IQCB1: variants seen among roughly 807,000 people sequenced by gnomAD.
IQCB1 encodes IQ calmodulin-binding motif-containing protein 1.
A neutral mutation model predicts 84.4 loss-of-function variants in IQCB1; 56 were observed. That is an observed-to-expected ratio of 0.66 (90% CI 0.54 to 0.83). The LOEUF is 0.83. Ranked by LOEUF, IQCB1 falls within the 40% of genes least tolerant of loss-of-function variation. The pLI is 0.00. For missense variants in IQCB1, 629 were observed against 682.1 expected (o/e 0.92, Z 0.87); for synonymous variants, 210 against 234.8 (o/e 0.89, Z 0.96).
chr3:121,786,170 C>CGAAAAG (rs1553710812), intron 12 of IQCB1, among the ~76,000 whole-genome samples: 1 of 72,848 alleles, frequency 1.4e-5, no homozygotes, highest in African/African-American at 6.5e-5. Context: ...GATTCTGTCT[C>CGAAAAG]AAAAGAAAAG....
In IQCB1 at chr3:121,770,013, A is replaced by G. The variant is rs1312609467; in HGVS notation, c.*332T>C. 1 of 196,734 alleles carries G rather than the reference A, an allele frequency of 5.1e-6. No homozygotes were observed. The highest frequency in any genetic ancestry group is 2.3e-5 in the African/African-American group (1 of 42,638). The allele number at this position is 196,734 out of a possible 1,614,324, so 12.2% of individuals were successfully genotyped here. On this transcript the variant is annotated 3_prime_UTR_variant, in exon 15 of 15. Coordinates refer to ENST00000310864, the MANE Select transcript of IQCB1 (RefSeq NM_001023570.4). ...GACAAATTTTTCAAATCAATTGTTG[A>G]AAATATTTATTTAGAAAAAAATATT...
In IQCB1 at chr3:121,786,007, G is replaced by GA. The variant is rs11308989; in HGVS notation, c.1278+2276dup. Among the ~76,000 whole-genome samples the GA allele has an allele frequency of 1.4e-3, 193 of 137,190 alleles. 2 individuals carry two copies. Among genetic ancestry groups the GA allele is most frequent in the Middle Eastern group, 3.6e-3 (1 of 274 alleles). The allele number at this position is 137,190 out of a possible 152,430, so 90.0% of individuals were successfully genotyped here. Reference sequence around the variant, plus strand: ...AACACAGTGAGACTTAGTCTCTACTGAAAAAAAAAAAAAATTAGCTGGGCC... The same window carrying GA: ...AACACAGTGAGACTTAGTCTCTACTGAAAAAAAAAAAAAAATTAGCTGGGCC... On this transcript the variant is annotated intron_variant, in intron 12 of 14. Coordinates refer to ENST00000310864, the MANE Select transcript of IQCB1 (RefSeq NM_001023570.4).
chr3:121,827,207 T>C (rs946879729), intron 4 of IQCB1, among the ~76,000 whole-genome samples: 8 of 151,892 alleles, frequency 5.3e-5, no homozygotes, highest in East Asian at 1.9e-4. Context: ...AGAACAAACA[T>C]TGAGTATGCA....
At chr3:121,789,934 TA>T in intron 11 of IQCB1, 138 bp downstream of exon 11, 1 of 729,134 alleles carries the variant, frequency 1.4e-6, no homozygotes, top group Non-Finnish European at 2.4e-6. Context: ...TCAGAAGATC[TA>T]ATAAAGTTTA....
At chr3:121,789,306 C>A (rs994169065) in intron 11 of IQCB1, among the ~76,000 whole-genome samples, 2 of 152,198 alleles carry the variant, frequency 1.3e-5, no homozygotes, top group South Asian at 2.1e-4. Flanking sequence ...CATCTCTAGC[C>A]ACTGGCTACC....
chr3:121,787,500 C>A (rs1240173248), intron 12 of IQCB1, among the ~76,000 whole-genome samples: 1 of 152,142 alleles, frequency 6.6e-6, no homozygotes, highest in East Asian at 1.9e-4. Flanking sequence ...CGCCTGTAAT[C>A]CCAGCACTTT....
chr3:121,829,161 C>G (rs1398008841), intron 2 of IQCB1, among the ~76,000 whole-genome samples, 189 bp from the exon 3 acceptor site: 4 of 152,162 alleles, frequency 2.6e-5, no homozygotes, highest in Non-Finnish European at 5.9e-5. Flanking sequence ...TAAAAGAGCT[C>G]AAGATTCCTA....
intron 10 of IQCB1, among the ~76,000 whole-genome samples, chr3:121,791,335 TC>T (rs1948961872): frequency 6.6e-6 from 1 of 152,242 alleles, no homozygotes; most frequent in Admixed American, 6.5e-5. Context: ...AACTGAATTT[TC>T]AACTCAAAAT....
At chr3:121,794,321 A>G (rs1471771445) in intron 10 of IQCB1, among the ~76,000 whole-genome samples, 1 of 152,132 alleles carries the variant, frequency 6.6e-6, no homozygotes, top group Admixed American at 6.5e-5. Flanking sequence ...GTGCCAGATA[A>G]TATGCTAAAA....
rs1948237754 is a variant in IQCB1 at position 121,776,568 on chromosome 3, AT to A, written c.1411-3856del. Among the ~76,000 whole-genome samples, 12 of 152,208 alleles carry A rather than the reference AT, an allele frequency of 7.9e-5. No homozygotes were observed. The South Asian group carries it at 2.5e-3, about 32-fold the overall frequency. ...CTTACTGTCGGTTATTTTTTGAAAA[AT>A]TTTAAATTTTTATTAAAAAAATTAG... On this transcript the variant is annotated intron_variant, in intron 13 of 14. Transcript: ENST00000310864.
intron 13 of IQCB1, 78 bp downstream of exon 13, chr3:121,781,665 T>G: frequency 1.8e-6 from 2 of 1,088,734 alleles, no homozygotes; most frequent in Non-Finnish European, 2.8e-6. Flanking sequence ...ACACACACAA[T>G]ATATGTGTGT....
At chr3:121,834,857 T>G in intron 1 of IQCB1, 109 bp downstream of exon 1, 1 of 265,442 alleles carries the variant, frequency 3.8e-6, no homozygotes, top group African/African-American at 2.2e-5. Context: ...ATTCTCCCGT[T>G]AAGAGCTCTT....
At chr3:121,788,616 A>T (rs912517834) in intron 11 of IQCB1, among the ~76,000 whole-genome samples, 184 bp from the exon 12 acceptor site, 1 of 152,094 alleles carries the variant, frequency 6.6e-6, no homozygotes, top group Non-Finnish European at 1.5e-5. Context: ...TTCCCAGATT[A>T]TGCAGCTTCT....
chr3:121,797,137 T>C lies in IQCB1; in HGVS notation c.857A>G (p.Tyr286Cys). 2 of 1,591,564 alleles carry C rather than the reference T, an allele frequency of 1.3e-6. No individual in the cohort carries two copies. The highest frequency in any genetic ancestry group is 2.2e-5 in the East Asian group (1 of 44,724). Reference sequence around the variant, plus strand: ...TAATACCTGCTCTTCTACTTCCTGATAGACCATTGGGCTTAAAAGGCCAAC... The same window carrying C: ...TAATACCTGCTCTTCTACTTCCTGACAGACCATTGGGCTTAAAAGGCCAAC... ...QLVGLLSPMV[Y>C]QEVEEQKLHQ... Residue 286 changes from tyrosine to cysteine, a missense_variant, in exon 9 of 15, where the codon TAT becomes TGT. By Grantham distance (194) the Tyr-to-Cys change is radical. Coordinates refer to ENST00000310864, the MANE Select transcript of IQCB1 (RefSeq NM_001023570.4).
At chr3:121,787,626 C>G (rs1180488821) in intron 12 of IQCB1, among the ~76,000 whole-genome samples, 1 of 152,024 alleles carries the variant, frequency 6.6e-6, no homozygotes, top group Non-Finnish European at 1.5e-5. Context: ...TGGTGCATGC[C>G]TGTAGTCCCA....
chr3:121,803,923 T>C (rs1949509112), intron 7 of IQCB1, among the ~76,000 whole-genome samples: 1 of 152,178 alleles, frequency 6.6e-6, no homozygotes, highest in South Asian at 2.1e-4. Context: ...ACTTTAGTTT[T>C]TCCACATTTA....
intron 7 of IQCB1, among the ~76,000 whole-genome samples, chr3:121,801,104 C>A (rs2108575448): frequency 6.6e-6 from 1 of 151,948 alleles, no homozygotes; most frequent in South Asian, 2.1e-4. Flanking sequence ...CCAGTATAAC[C>A]CTAAAAGGTT....
chr3:121,817,623 G>A (rs1357881277), intron 5 of IQCB1, among the ~76,000 whole-genome samples: 1 of 151,992 alleles, frequency 6.6e-6, no homozygotes, highest in East Asian at 1.9e-4. Context: ...CTATTAGCCT[G>A]GGAATTCCTT....
chr3:121,791,051 C>A (rs1006213667), intron 10 of IQCB1, among the ~76,000 whole-genome samples: 3 of 152,126 alleles, frequency 2.0e-5, no homozygotes, highest in Admixed American at 6.5e-5. Flanking sequence ...AAGGAGACTA[C>A]AAGTGTCAGT....
Sources: gnomAD v4.1 joint callset for allele counts (sites outside exome capture counted in the v4.1 genomes callset) on GRCh38, gnomAD v4.1.1 for gene constraint, MANE v1.5 for transcripts, NCBI Gene and HGNC (gene_info 2026-07-23, HGNC 2026-07-21) for gene names.